ITSN1: variants seen among roughly 807,000 people sequenced by gnomAD.
ITSN1 encodes the protein intersectin 1, also known as intersectin-1.
Under a neutral mutation model 239.8 loss-of-function variants are expected in ITSN1, and 58 were observed. That is an observed-to-expected ratio of 0.24 (90% CI 0.20 to 0.30). The LOEUF (loss-of-function observed/expected upper bound fraction) is 0.30, where lower values mean the gene tolerates loss of function less well. Ranked by LOEUF, ITSN1 falls within the 10% of genes least tolerant of loss-of-function variation. ITSN1 has a pLI of 1.00. For synonymous variants in ITSN1, 780 were observed against 770.8 expected (o/e 1.01, Z -0.20); for missense variants, 1,558 against 2,103.3 (o/e 0.74, Z 5.07).
chr21:33,867,862 C>T (rs1981907440), intron 33 of ITSN1, among the ~76,000 whole-genome samples: 3 of 152,006 alleles, frequency 2.0e-5, no homozygotes. Flanking sequence ...CAGACCTTCG[C>T]GGTGAGTGTT....
intron 34 of ITSN1, among the ~76,000 whole-genome samples, chr21:33,877,864 A>C (rs1379816766): frequency 8.9e-6 from 1 of 111,866 alleles, no homozygotes; most frequent in Non-Finnish European, 1.9e-5. Flanking sequence ...TGTGTGTGCC[A>C]GTTTTCTTGG....
At chr21:33,743,856 A>G (rs753123656) in intron 5 of ITSN1, among the ~76,000 whole-genome samples, 9 of 152,224 alleles carry the variant, frequency 5.9e-5, no homozygotes, top group Non-Finnish European at 1.3e-4. Flanking sequence ...TAGAATTCTC[A>G]GGGAAAGAAC....
chr21:33,771,576 CTG>C (rs1375032495), intron 11 of ITSN1, among the ~76,000 whole-genome samples: 1 of 152,202 alleles, frequency 6.6e-6, no homozygotes, highest in Non-Finnish European at 1.5e-5. Context: ...TGTTGACTGA[CTG>C]TGATCTCCAT....
chr21:33,731,740 AC>A (rs1438113676), intron 4 of ITSN1, among the ~76,000 whole-genome samples: 2 of 152,236 alleles, frequency 1.3e-5, no homozygotes, highest in East Asian at 3.8e-4. Context: ...CAGATTAGGC[AC>A]CCGATGAAAA....
intron 26 of ITSN1, 31 bp from the exon 27 acceptor site, chr21:33,829,593 G>A (rs375609016): frequency 2.5e-5 from 40 of 1,611,190 alleles, no homozygotes; most frequent in African/African-American, 5.3e-5. Context: ...ACTCTTAACA[G>A]TGCACTGCCG....
At chr21:33,645,505 T>G (rs1037887321) in intron 1 of ITSN1, among the ~76,000 whole-genome samples, 1 of 152,076 alleles carries the variant, frequency 6.6e-6, no homozygotes, top group Admixed American at 6.6e-5. Flanking sequence ...TATTCTGGGC[T>G]TAGTGACTCG....
intron 19 of ITSN1, among the ~76,000 whole-genome samples, chr21:33,800,259 A>T (rs1031092235): frequency 6.6e-6 from 1 of 151,800 alleles, no homozygotes; most frequent in Non-Finnish European, 1.5e-5. Flanking sequence ...CATATATTTT[A>T]TATATGATGT....
rs554447553 is a variant in ITSN1, at chr21:33,875,238, C to T, written c.4174-116C>T. On this transcript the variant is annotated intron_variant, in intron 33 of 39. Coordinates refer to ENST00000381318, the MANE Select transcript of ITSN1 (RefSeq NM_003024.3). The stretch of plus-strand genomic sequence containing the variant: ...TCAGAGCTGCGATTGCTCAAGTGGG[C>T]GCCGTCCATGAAAGGATGGTGCCCT... 2.4e-5 allele frequency: 27 copies of T among 1,104,132 alleles called. No individual in the cohort carries two copies. In the South Asian group the frequency reaches 3.3e-4, roughly 14 times the overall value. The allele number at this position is 1,104,132 out of a possible 1,614,324, so 68.4% of individuals were successfully genotyped here.
chr21:33,680,289 A>G (rs573452158), intron 1 of ITSN1, among the ~76,000 whole-genome samples: 85 of 150,190 alleles, frequency 5.7e-4, no homozygotes, highest in African/African-American at 2.0e-3. Context: ...GTGCTGAGGA[A>G]TGTTTTCATT....
intron 1 of ITSN1, chr21:33,716,446 G>A (rs1259234093): frequency 2.0e-5 from 3 of 152,392 alleles, no homozygotes; most frequent in African/African-American, 4.8e-5. Flanking sequence ...ACTTAGATGA[G>A]TTGATCCCTT....
In ITSN1 at chr21:33,778,867, C is replaced by T. The variant is rs181729555; in HGVS notation, c.1597-2594C>T. 1.8e-4 allele frequency among the ~76,000 whole-genome samples: 25 copies of T among 141,236 alleles called. 1 individual carries two copies. The highest frequency in any genetic ancestry group is 1.2e-3 in the East Asian group (6 of 5,170). 92.7% of individuals were successfully genotyped at this position (141,236 alleles called of 152,430 possible). A position where few individuals can be genotyped will look rare whatever the true frequency, so the allele number is the denominator to read the frequency against. On this transcript the variant is annotated intron_variant, in intron 14 of 39. Transcript: ENST00000381318. Reference sequence around the variant, plus strand: ...TGCTGGGATTACAGGCGTGAGCCACCGCGCCCGGCCTATAATATTCTCTTA... The same window carrying T: ...TGCTGGGATTACAGGCGTGAGCCACTGCGCCCGGCCTATAATATTCTCTTA...
chr21:33,817,992 A>G (rs1007821938), intron 22 of ITSN1: 12 of 475,092 alleles, frequency 2.5e-5, no homozygotes, highest in Non-Finnish European at 4.1e-5. Context: ...CAACAGAATA[A>G]TTGTGACCTC....
chr21:33,779,032 A>G (rs572221611), intron 14 of ITSN1, among the ~76,000 whole-genome samples: 164 of 147,298 alleles, frequency 1.1e-3, no homozygotes, highest in Non-Finnish European at 1.7e-3. Flanking sequence ...CTCCTACTCT[A>G]TCTCTCCTCC....
chr21:33,702,892 A>G lies in ITSN1; in HGVS notation c.-32-15905A>G, dbSNP rs1417592551. Among the ~76,000 whole-genome samples, 3 of 152,320 alleles carry G rather than the reference A, an allele frequency of 2.0e-5. No homozygotes were observed. The East Asian group carries it at 5.8e-4, about 29-fold the overall frequency. ...CAGGAGTTCAGGACCAGCCTGGCCA[A>G]CATGGTGAAACCCTGTCTCTACCAA... On this transcript the variant is annotated intron_variant, in intron 1 of 39. Transcript: ENST00000381318.
In ITSN1 at chr21:33,895,273, C is replaced by G. The variant is rs909739196; in HGVS notation, c.*6973C>G. 5.3e-5 allele frequency: 8 copies of G among 152,188 alleles called. No homozygotes were observed. Among genetic ancestry groups the G allele is most frequent in the South Asian group, 2.1e-4 (1 of 4,824 alleles). The allele number at this position is 152,188 out of a possible 1,614,324, so 9.4% of individuals were successfully genotyped here. On this transcript the variant is annotated 3_prime_UTR_variant, in exon 40 of 40. Transcript: ENST00000381318. ...AGGTGACCTGGAGGAGGCCCTGCTC[C>G]CCAGCAAGCGTTCTAGGAGTTACGG...
At chr21:33,760,875 T>G (rs1422476929) in intron 8 of ITSN1, among the ~76,000 whole-genome samples, 1 of 152,202 alleles carries the variant, frequency 6.6e-6, no homozygotes, top group Non-Finnish European at 1.5e-5. Context: ...GAAGACGTAT[T>G]TATTTCTCCC....
intron 26 of ITSN1, among the ~76,000 whole-genome samples, chr21:33,827,567 A>T (rs1044092030): frequency 1.3e-5 from 2 of 152,138 alleles, no homozygotes; most frequent in African/African-American, 4.8e-5. Flanking sequence ...CATTCCCAGG[A>T]CACAAACAAT....
chr21:33,863,306 AT>A (rs1434914258), intron 31 of ITSN1, among the ~76,000 whole-genome samples: 1 of 152,210 alleles, frequency 6.6e-6, no homozygotes, highest in African/African-American at 2.4e-5. Context: ...CTGTCTGCAG[AT>A]GCTCTTTCTT....
intron 17 of ITSN1, among the ~76,000 whole-genome samples, chr21:33,796,696 C>G (rs2071588769): frequency 6.6e-6 from 1 of 152,142 alleles, no homozygotes; most frequent in African/African-American, 2.4e-5. Flanking sequence ...GGACTACCAA[C>G]CTGATTCGCA....
Sources: allele counts gnomAD v4.1 joint callset (sites outside exome capture counted in the v4.1 genomes callset), GRCh38; gene constraint gnomAD v4.1.1; transcripts MANE v1.5; gene names NCBI Gene and HGNC (gene_info 2026-07-23, HGNC 2026-07-21).